The following DCTN2 variants were observed in gnomAD, a reference collection of about 807,000 sequenced individuals.
The protein encoded by DCTN2 is dynactin subunit 2.
In DCTN2, 18 loss-of-function variants were observed where a neutral mutation model predicts 55.4. The observed-to-expected ratio is 0.32, with a 90% CI of 0.22 to 0.48. The LOEUF is 0.48. DCTN2 is among the 20% of genes least tolerant of loss of function. The pLI, the probability that DCTN2 is intolerant of heterozygous loss-of-function variation, is 0.99. For missense variants in DCTN2, 390 were observed against 491.0 expected (o/e 0.79, Z 1.94); for synonymous variants, 168 against 185.2 (o/e 0.91, Z 0.76).
intron 2 of DCTN2, among the ~76,000 whole-genome samples, chr12:57,537,630 G>A (rs1329970688): frequency 6.6e-6 from 1 of 152,048 alleles, no homozygotes; most frequent in East Asian, 1.9e-4. Context: ...AATAAGGGAA[G>A]AAGGAAGGAA....
At position 57,534,348 on chromosome 12, in the gene DCTN2, C is replaced by T. The variant is rs753993324; in HGVS notation, c.468G>A (p.Lys156=). 11 of 1,612,552 alleles carry T rather than the reference C, an allele frequency of 6.8e-6. No individual in the cohort carries two copies. The highest frequency in any genetic ancestry group is 3.3e-5 in the Admixed American group (2 of 59,946). ...KQQLVASHLE[K]LLGPDAAINL... ...TGATTGCAGCATCTGGTCCCAGCAG[C>T]TTCTCCAGGTGGGAAGCAACCAGCT... The change falls in exon 6 of 14, where the codon AAG becomes AAA. Residue 156 remains lysine, a synonymous_variant. Transcript: ENST00000548249.
chr12:57,546,018 A>G lies in DCTN2; in HGVS notation c.105+10T>C. The G allele has an allele frequency of 3.1e-6, 5 of 1,613,594 alleles. No homozygotes were observed. Among genetic ancestry groups the G allele is most frequent in the Non-Finnish European group, 4.2e-6 (5 of 1,179,736 alleles). The stretch of plus-strand genomic sequence containing the variant: ...AGTCCGGAGGAGTCTGTGGCAGCAC[A>G]CATTCTTACCGCATCGAACTCCGCT... On this transcript the variant is annotated intron_variant, in intron 2 of 13. Transcript: ENST00000548249.
At position 57,546,017 on chromosome 12, in the gene DCTN2, C is replaced by T. The variant is rs370805453; in HGVS notation, c.105+11G>A. 4 of 1,613,604 alleles carry T rather than the reference C, an allele frequency of 2.5e-6. No homozygotes were observed. The highest frequency in any genetic ancestry group is 1.1e-5 in the South Asian group (1 of 91,066). ...GAGTCCGGAGGAGTCTGTGGCAGCA[C>T]ACATTCTTACCGCATCGAACTCCGC... On this transcript the variant is annotated intron_variant, in intron 2 of 13. Transcript: ENST00000548249.
intron 7 of DCTN2, among the ~76,000 whole-genome samples, chr12:57,533,567 C>T (rs1221274542): frequency 1.3e-5 from 2 of 152,032 alleles, no homozygotes; most frequent in African/African-American, 2.4e-5. Context: ...GTCAGGAGAT[C>T]GAGACCATTC....
In DCTN2 at chr12:57,543,911, GA is replaced by G. The variant is rs1565684566; in HGVS notation, c.105+2116del. 7 of 984,430 alleles carry G rather than the reference GA, an allele frequency of 7.1e-6. No homozygotes were observed. In the East Asian group the frequency reaches 4.2e-4, roughly 59 times the overall value. 61.0% of individuals were successfully genotyped at this position (984,430 alleles called of 1,614,324 possible). ...AAAATAGGCTGTTCAGGCTCTGGGG[GA>G]GAAACAGCCAATCAGAGCTGCACAG... On this transcript the variant is annotated intron_variant, in intron 2 of 13. Coordinates refer to ENST00000548249, the MANE Select transcript of DCTN2 (RefSeq NM_001261413.2).
In DCTN2 at chr12:57,530,648, AG is replaced by A. The variant is rs772725039; in HGVS notation, c.*40del. ...TATGTAAGCTGTTAACAGAGTTCAC[AG>A]GGGTAGGGATAACCCCTGTTCTCCA... On this transcript the variant is annotated 3_prime_UTR_variant, in exon 14 of 14. Transcript: ENST00000548249. 6.5e-7 allele frequency: 1 copy of A among 1,538,276 alleles called. No individual in the cohort carries two copies. The highest frequency in any genetic ancestry group is 9.0e-7 in the Non-Finnish European group (1 of 1,114,052).
chr12:57,538,547 GA>G (rs756949011), intron 2 of DCTN2: 1 of 755,292 alleles, frequency 1.3e-6, no homozygotes, highest in Non-Finnish European at 2.4e-6. Flanking sequence ...CCAGAGGTGA[GA>G]AAATCAAAAG....
At chr12:57,532,149 G>T in intron 12 of DCTN2, 43 bp from the exon 13 acceptor site, 3 of 1,552,596 alleles carry the variant, frequency 1.9e-6, no homozygotes, top group Non-Finnish European at 2.6e-6. Context: ...CCAAGATAAG[G>T]GAGGGGACCA....
At chr12:57,534,979 A>C (rs769890093) in intron 5 of DCTN2, 77 bp downstream of exon 5, 6 of 1,278,834 alleles carry the variant, frequency 4.7e-6, no homozygotes, top group African/African-American at 3.0e-5. Flanking sequence ...CAGGCAGGGA[A>C]TCTTTCTCTT....
chr12:57,537,680 G>A (rs1299159750), intron 2 of DCTN2, among the ~76,000 whole-genome samples: 3 of 152,176 alleles, frequency 2.0e-5, no homozygotes, highest in Non-Finnish European at 4.4e-5. Flanking sequence ...TCTTCCTCAG[G>A]GAATTACTGG....
At chr12:57,541,065 C>T (rs369425858) in intron 2 of DCTN2, among the ~76,000 whole-genome samples, 32 of 152,252 alleles carry the variant, frequency 2.1e-4, no homozygotes, top group East Asian at 9.7e-4. Context: ...TAACTCCAGC[C>T]CCTAAATGCC....
intron 2 of DCTN2, among the ~76,000 whole-genome samples, chr12:57,541,854 G>A (rs1880720611): frequency 6.6e-6 from 1 of 152,230 alleles, no homozygotes; most frequent in African/African-American, 2.4e-5. Flanking sequence ...TAACCTGGGA[G>A]TGTCTGAAGT....
At chr12:57,532,357 G>A (rs1555173253) in intron 11 of DCTN2, 42 bp from the exon 12 acceptor site, 2 of 1,516,202 alleles carry the variant, frequency 1.3e-6, no homozygotes, top group Non-Finnish European at 9.0e-7. Flanking sequence ...GGCTGAGGCA[G>A]CCAGGTCAGT....
At position 57,534,086 on chromosome 12, in the gene DCTN2, A is replaced by T; in HGVS notation, c.536T>A (p.Leu179Gln). The T allele has an allele frequency of 1.9e-6, 3 of 1,601,038 alleles. No homozygotes were observed. The highest frequency in any genetic ancestry group is 2.6e-6 in the Non-Finnish European group (3 of 1,173,870). The change falls in exon 7 of 14, where the codon CTG becomes CAG. Residue 179 changes from leucine (L) to glutamine (Q), a missense_variant. By Grantham distance (113) the Leu-to-Gln change is moderately radical. Around this residue, in one of 2 missense-constraint regions of DCTN2, gnomAD observed 273 missense variants for 303.2 expected, o/e 0.90. Transcript: ENST00000548249. ...PDGALAKRLL[L>Q]QLEATKNSKG... is the part of the protein sequence containing the mutation. ...GCTGTTCTTTGTTGCTTCCAGCTGC[A>T]GTAGTAGGCGCCTAGTTAGGAGACC...
Position 57,547,136 on chromosome 12 carries a change from T to G in DCTN2, c.-73A>C, listed in dbSNP as rs1467803517. Reference sequence around the variant, plus strand: ...GCCGGTGTTCGGGTAGGGGAGAGGCTGGGTTCGGGTCCCGGGCTAAGGCGG... The same window carrying G: ...GCCGGTGTTCGGGTAGGGGAGAGGCGGGGTTCGGGTCCCGGGCTAAGGCGG... On this transcript the variant is annotated 5_prime_UTR_variant, in exon 1 of 14. Transcript: ENST00000548249. 1 of 1,209,602 alleles carries G rather than the reference T, an allele frequency of 8.3e-7. No individual in the cohort carries two copies. The highest frequency in any genetic ancestry group is 1.0e-6 in the Non-Finnish European group (1 of 953,170). The allele number at this position is 1,209,602 out of a possible 1,614,324, so 74.9% of individuals were successfully genotyped here. A position where few individuals can be genotyped will look rare whatever the true frequency, so the allele number is the denominator to read the frequency against.
rs773888150 is a variant in DCTN2, at chr12:57,532,121, T to A, written c.1028-15A>T. 2.6e-6 allele frequency: 4 copies of A among 1,554,638 alleles called. No homozygotes were observed. ...AAACTGCATGGCTACAAAAGAAAAG[T>A]ATGGTTGAGACTTGAATCCAAGATA... On this transcript the variant is annotated splice_polypyrimidine_tract_variant and intron_variant, in intron 12 of 13. Transcript: ENST00000548249.
chr12:57,534,460 G>A lies in DCTN2; in HGVS notation c.364-8C>T. 9.6e-6 allele frequency: 15 copies of A among 1,569,212 alleles called. No homozygotes were observed. Among genetic ancestry groups the A allele is most frequent in the Non-Finnish European group, 1.3e-5 (15 of 1,154,896 alleles). The stretch of plus-strand genomic sequence containing the variant: ...TGACTCCTTCACTGTCGTCTAGTAT[G>A]AAAAAAGGTAGAAATCGGGGGATGG... On this transcript the variant is annotated splice_polypyrimidine_tract_variant and splice_region_variant and intron_variant, in intron 5 of 13. Transcript: ENST00000548249.
At chr12:57,535,643 G>A (rs1275965272) in intron 3 of DCTN2, 98 bp from the exon 4 acceptor site, 1 of 1,524,554 alleles carries the variant, frequency 6.6e-7, no homozygotes, top group Non-Finnish European at 9.1e-7. Flanking sequence ...ATCTCCATGA[G>A]GGACCCCTTC....
At chr12:57,538,295 G>A (rs914065162) in intron 2 of DCTN2, 15 of 621,176 alleles carry the variant, frequency 2.4e-5, no homozygotes, top group Middle Eastern at 2.6e-4. Flanking sequence ...GCTGTGGCCC[G>A]GGAGCACACT....
Sources: gnomAD v4.1 joint callset for allele counts (sites outside exome capture counted in the v4.1 genomes callset) on GRCh38, gnomAD v4.1.1 for gene constraint, gnomAD v4.1.1 regional missense constraint, MANE v1.5 for transcripts, NCBI Gene and HGNC (gene_info 2026-07-23, HGNC 2026-07-21) for gene names.